Variants in HIVEP3 observed in about 807,000 individuals in gnomAD.
The protein encoded by HIVEP3 is transcription factor HIVEP3.
In HIVEP3, 49 loss-of-function variants were observed where a neutral mutation model predicts 152.8. That is an observed-to-expected ratio of 0.32 (90% confidence interval 0.26 to 0.41). The LOEUF (loss-of-function observed/expected upper bound fraction) is 0.41, where lower values mean the gene tolerates loss of function less well. HIVEP3 is among the 10% of genes least tolerant of loss of function. The pLI is 1.00. For missense variants in HIVEP3, 2,790 were observed against 3,103.3 expected, an observed-to-expected ratio of 0.90 and a Z score of 2.40; for synonymous variants, 1,269 against 1,289.0, an observed-to-expected ratio of 0.98 and a Z score of 0.33.
At chr1:41,770,972 G>A in intron 1 of HIVEP3, among the ~76,000 whole-genome samples, 1 of 152,042 alleles carries the variant, frequency 6.6e-6, no homozygotes, top group East Asian at 1.9e-4. Context: ...TCTCCCCCAA[G>A]GGGAGAAAAT....
chr1:41,917,150 C>T (rs1644882978), intron 1 of HIVEP3, among the ~76,000 whole-genome samples: 1 of 152,162 alleles, frequency 6.6e-6, no homozygotes, highest in Non-Finnish European at 1.5e-5. Context: ...AACTGTAGCA[C>T]CCAACTTCTT....
intron 1 of HIVEP3, among the ~76,000 whole-genome samples, chr1:41,742,786 T>C (rs1455188944): frequency 6.6e-6 from 1 of 152,196 alleles, no homozygotes; most frequent in Non-Finnish European, 1.5e-5. Flanking sequence ...TTGATCCATT[T>C]TCACCATCAC....
chr1:41,854,174 G>C (rs1424647541), intron 1 of HIVEP3, among the ~76,000 whole-genome samples: 1 of 151,848 alleles, frequency 6.6e-6, no homozygotes. Context: ...TCAGTTCTGG[G>C]CTGGGACAGG....
At chr1:41,797,071 C>G (rs1007081034) in intron 1 of HIVEP3, among the ~76,000 whole-genome samples, 1 of 152,214 alleles carries the variant, frequency 6.6e-6, no homozygotes, top group Non-Finnish European at 1.5e-5. Flanking sequence ...CTTTCTCACT[C>G]AGAGTTCTCC....
intron 1 of HIVEP3, among the ~76,000 whole-genome samples, chr1:41,911,490 C>T (rs1194902214): frequency 3.3e-5 from 5 of 152,064 alleles, no homozygotes; most frequent in African/African-American, 1.2e-4. Flanking sequence ...TCTGAACTAT[C>T]CTAGCAGCAC....
At chr1:41,843,158 T>A (rs895476367) in intron 1 of HIVEP3, among the ~76,000 whole-genome samples, 3 of 152,002 alleles carry the variant, frequency 2.0e-5, no homozygotes, top group Admixed American at 6.6e-5. Flanking sequence ...ACACAGCAAA[T>A]CCCCACATTT....
At chr1:41,957,588 A>G (rs1055837882) in intron 1 of HIVEP3, among the ~76,000 whole-genome samples, 8 of 152,364 alleles carry the variant, frequency 5.3e-5, no homozygotes, top group South Asian at 4.1e-4. Context: ...AAGAACGAGG[A>G]AAGTTCAACG....
chr1:41,644,853 CAGCTGGCCCAGGTCGTTGGCCTAGG>C (rs919047519), intron 2 of HIVEP3, among the ~76,000 whole-genome samples: 6 of 152,114 alleles, frequency 3.9e-5, no homozygotes, highest in African/African-American at 1.4e-4. Flanking sequence ...TATTATACCA[CAGCTGGCCCAGGTCGTTGGCCTAGG>C]AGCTGGCCTC....
At chr1:41,980,663 A>G (rs1645289058) in intron 1 of HIVEP3, among the ~76,000 whole-genome samples, 1 of 152,178 alleles carries the variant, frequency 6.6e-6, no homozygotes, top group South Asian at 2.1e-4. Flanking sequence ...ACACAATTAA[A>G]ATTGGTTAAT....
chr1:41,853,842 A>G (rs1327208674), intron 1 of HIVEP3, among the ~76,000 whole-genome samples: 1 of 152,114 alleles, frequency 6.6e-6, no homozygotes. Flanking sequence ...CAGGGTCTCC[A>G]CCTGCCAACC....
chr1:41,805,277 C>T (rs940230357), intron 1 of HIVEP3, among the ~76,000 whole-genome samples: 2 of 152,162 alleles, frequency 1.3e-5, no homozygotes, highest in African/African-American at 4.8e-5. Flanking sequence ...GCGGAAGTTG[C>T]CAGGAGCCGA....
intron 1 of HIVEP3, among the ~76,000 whole-genome samples, chr1:41,981,495 G>A (rs1042919459): frequency 6.6e-6 from 1 of 152,058 alleles, no homozygotes; most frequent in South Asian, 2.1e-4. Flanking sequence ...CTGAGCTGGC[G>A]GCTGGACTCA....
intron 1 of HIVEP3, among the ~76,000 whole-genome samples, chr1:41,745,881 C>T (rs1197932429): frequency 6.6e-6 from 1 of 152,234 alleles, no homozygotes; most frequent in Non-Finnish European, 1.5e-5. Context: ...GGCTTCAGGG[C>T]CTGTCAGTGA....
intron 1 of HIVEP3, among the ~76,000 whole-genome samples, chr1:41,900,519 C>T (rs1644603092): frequency 6.6e-6 from 1 of 152,128 alleles, no homozygotes; most frequent in African/African-American, 2.4e-5. Flanking sequence ...ACGTTCTCTT[C>T]AGACAACGTA....
intron 1 of HIVEP3, among the ~76,000 whole-genome samples, chr1:41,915,216 T>C (rs1055943924): frequency 2.0e-5 from 3 of 152,178 alleles, no homozygotes; most frequent in Non-Finnish European, 2.9e-5. Flanking sequence ...TTAACTTCTA[T>C]GGATACATGT....
At chr1:41,553,443 C>T (rs922038305) in intron 5 of HIVEP3, among the ~76,000 whole-genome samples, 1 of 152,188 alleles carries the variant, frequency 6.6e-6, no homozygotes, top group African/African-American at 2.4e-5. Flanking sequence ...TGGGTCTTGA[C>T]TCTTTATCCA....
chr1:41,701,372 T>G (rs1646359531), intron 1 of HIVEP3, among the ~76,000 whole-genome samples: 2 of 152,252 alleles, frequency 1.3e-5, no homozygotes, highest in South Asian at 4.1e-4. Flanking sequence ...CATTATTCAT[T>G]CATTCATGCA....
chr1:41,855,430 G>A (rs563750894), intron 1 of HIVEP3, among the ~76,000 whole-genome samples: 1 of 152,076 alleles, frequency 6.6e-6, no homozygotes, highest in East Asian at 1.9e-4. Flanking sequence ...CAACATGGGA[G>A]AAAATTTTCG....
At chr1:41,753,703 AAAT>A (rs1489011637) in intron 1 of HIVEP3, among the ~76,000 whole-genome samples, 47 of 151,606 alleles carry the variant, frequency 3.1e-4, no homozygotes, top group Non-Finnish European at 4.9e-4. Flanking sequence ...ATAAATAAAT[AAAT>A]AAAAATAGAA....
Sources: gnomAD v4.1 joint callset for allele counts (sites outside exome capture counted in the v4.1 genomes callset) on GRCh38, gnomAD v4.1.1 for gene constraint, MANE v1.5 for transcripts, NCBI Gene and HGNC (gene_info 2026-07-23, HGNC 2026-07-21) for gene names.